ATP6V0A4: variants seen among roughly 807,000 people sequenced by gnomAD.
ATP6V0A4 encodes V-type proton ATPase 116 kDa subunit a 4.
ATP6V0A4 carries 86 observed loss-of-function variants against 107.3 expected under a neutral mutation model. That is an observed-to-expected ratio of 0.80 (90% CI 0.67 to 0.96). The LOEUF is 0.96. Among genes scored for constraint, ATP6V0A4 ranks in the 40% least tolerant of loss-of-function variants. The pLI, the probability that ATP6V0A4 is intolerant of heterozygous loss-of-function variation, is 0.00. For synonymous variants in ATP6V0A4, 353 were observed against 381.4 expected, an observed-to-expected ratio of 0.93 and a Z score of 0.87; for missense variants, 908 against 1,045.6, an observed-to-expected ratio of 0.87 and a Z score of 1.81.
chr7:138,778,049 T>G (rs930261378), intron 2 of ATP6V0A4, among the ~76,000 whole-genome samples: 1 of 152,086 alleles, frequency 6.6e-6, no homozygotes, highest in Admixed American at 6.5e-5. Context: ...AAAATAAAAT[T>G]ACCTTCATGC....
intron 21 of ATP6V0A4, 84 bp from the exon 22 acceptor site, chr7:138,706,801 A>G: frequency 6.3e-7 from 1 of 1,584,204 alleles, no homozygotes; most frequent in Non-Finnish European, 8.6e-7. Context: ...GGAAGGAGGA[A>G]GCAGAGCGTT....
At chr7:138,784,237 T>TATATATATATATAC (rs1808053857) in intron 2 of ATP6V0A4, among the ~76,000 whole-genome samples, 2 of 7,910 alleles carry the variant, frequency 2.5e-4, no homozygotes, top group Non-Finnish European at 4.3e-4. Context: ...TATATATACG[T>TATATATATATATAC]ATATATATAT....
intron 17 of ATP6V0A4, among the ~76,000 whole-genome samples, chr7:138,732,001 T>C (rs867917517): frequency 6.6e-6 from 1 of 151,950 alleles, no homozygotes; most frequent in African/African-American, 2.4e-5. Flanking sequence ...GGCAATAAAG[T>C]GCAACTGTTG....
At chr7:138,708,171 C>A (rs1248919146) in intron 21 of ATP6V0A4, among the ~76,000 whole-genome samples, 1 of 151,938 alleles carries the variant, frequency 6.6e-6, no homozygotes, top group Non-Finnish European at 1.5e-5. Context: ...CCTGCCTCAG[C>A]CCCTTGAGTA....
At chr7:138,783,232 C>T (rs765429413) in intron 2 of ATP6V0A4, among the ~76,000 whole-genome samples, 1 of 151,894 alleles carries the variant, frequency 6.6e-6, no homozygotes, top group African/African-American at 2.4e-5. Context: ...TGATAACTTC[C>T]CCTCCCCAAA....
chr7:138,792,005 G>C (rs575168606), intron 1 of ATP6V0A4, among the ~76,000 whole-genome samples: 1 of 152,176 alleles, frequency 6.6e-6, no homozygotes, highest in East Asian at 1.9e-4. Flanking sequence ...GACTACAATG[G>C]TATAAAAATC....
intron 5 of ATP6V0A4, among the ~76,000 whole-genome samples, chr7:138,763,975 A>AATAT (rs1554399507): frequency 8.4e-4 from 120 of 143,624 alleles, no homozygotes; most frequent in East Asian, 4.5e-3. Flanking sequence ...TCAAAAAAAA[A>AATAT]ATATATATAT....
chr7:138,709,841 T>G, intron 20 of ATP6V0A4, 46 bp from the exon 21 acceptor site: 3 of 1,597,576 alleles, frequency 1.9e-6, no homozygotes, highest in Non-Finnish European at 2.6e-6. Flanking sequence ...AAATGCAGAT[T>G]GTTATTTATT....
At chr7:138,732,140 C>T (rs1158424697) in intron 17 of ATP6V0A4, among the ~76,000 whole-genome samples, 1 of 151,980 alleles carries the variant, frequency 6.6e-6, no homozygotes, top group African/African-American at 2.4e-5. Context: ...GAATACAGGG[C>T]TTTGTCTTCT....
At chr7:138,786,032 A>G (rs1446942235) in intron 2 of ATP6V0A4, 126 bp downstream of exon 2, 1 of 152,292 alleles carries the variant, frequency 6.6e-6, no homozygotes, top group Non-Finnish European at 1.5e-5. Context: ...GCTCTCAGAC[A>G]GCTCCACTCT....
At chr7:138,789,134 A>G (rs7780560) in intron 1 of ATP6V0A4, among the ~76,000 whole-genome samples, 87,435 of 151,678 alleles carry the variant, frequency 0.58, 25,556 homozygotes, top group African/African-American at 0.65. Context: ...TGTACATTCC[A>G]TTGTGACCAC....
chr7:138,729,790 G>A (rs1025748578), intron 17 of ATP6V0A4, among the ~76,000 whole-genome samples: 1 of 152,222 alleles, frequency 6.6e-6, no homozygotes, highest in Admixed American at 6.5e-5. Flanking sequence ...GACCAAGGTC[G>A]CAGTAAATGC....
intron 2 of ATP6V0A4, among the ~76,000 whole-genome samples, chr7:138,777,761 G>A (rs1807736444): frequency 6.6e-6 from 1 of 151,888 alleles, no homozygotes; most frequent in Non-Finnish European, 1.5e-5. Flanking sequence ...TATATATACA[G>A]CAAACATAAG....
At chr7:138,729,447 C>T (rs934034597) in intron 17 of ATP6V0A4, among the ~76,000 whole-genome samples, 1 of 152,216 alleles carries the variant, frequency 6.6e-6, no homozygotes, top group Non-Finnish European at 1.5e-5. Flanking sequence ...ATTTACTCAA[C>T]AGGCTCTGGG....
chr7:138,731,312 G>A (rs736967), intron 17 of ATP6V0A4, among the ~76,000 whole-genome samples: 17,663 of 151,974 alleles, frequency 0.12, 1,708 homozygotes, highest in African/African-American at 0.26. Context: ...GGGCATGGCC[G>A]TAGAAGCATG....
In ATP6V0A4 at chr7:138,709,782, C is replaced by A. The variant is rs1171974776; in HGVS notation, c.2271G>T (p.Val757=). The A allele has an allele frequency of 6.2e-7, 1 of 1,613,984 alleles. No homozygotes were observed. Among genetic ancestry groups the A allele is most frequent in the South Asian group, 1.1e-5 (1 of 91,082 alleles). ...LSLAHAQLSE[V]LWTMVMNSGL... is the part of the protein sequence containing the mutation. ...CGCTGTTCATCACCATAGTCCAGAG[C>A]ACTTCAGACAGTTCTGCAAGGTACG... The change falls in exon 21 of 22, where the codon GTG becomes GTT. Residue 757 remains valine, a synonymous_variant. Coordinates refer to ENST00000310018, the MANE Select transcript of ATP6V0A4 (RefSeq NM_020632.3).
chr7:138,734,866 T>C (rs1418686308), intron 15 of ATP6V0A4, among the ~76,000 whole-genome samples: 2 of 151,760 alleles, frequency 1.3e-5, no homozygotes, highest in African/African-American at 4.8e-5. Flanking sequence ...AATCATGGCC[T>C]ATAGCTCATT....
At chr7:138,766,306 A>G (rs1807089836) in intron 5 of ATP6V0A4, among the ~76,000 whole-genome samples, 2 of 151,326 alleles carry the variant, frequency 1.3e-5, no homozygotes, top group East Asian at 1.9e-4. Flanking sequence ...GGGGTCAAAC[A>G]ATTCTCCTGC....
chr7:138,736,636 A>G (rs1418561482), intron 15 of ATP6V0A4, among the ~76,000 whole-genome samples: 1 of 151,970 alleles, frequency 6.6e-6, no homozygotes, highest in Non-Finnish European at 1.5e-5. Context: ...CAATGGTGCA[A>G]TCTCGGCTCA....
Sources: gnomAD v4.1 joint callset for allele counts (sites outside exome capture counted in the v4.1 genomes callset) on GRCh38, gnomAD v4.1.1 for gene constraint, MANE v1.5 for transcripts, NCBI Gene and HGNC (gene_info 2026-07-23, HGNC 2026-07-21) for gene names.